PCDHGB1: variants seen among roughly 807,000 people sequenced by gnomAD.
PCDHGB1 encodes the protein protocadherin gamma-B1.
A neutral mutation model predicts 56.6 loss-of-function variants in PCDHGB1; 34 were observed. The observed-to-expected ratio is 0.60, with a 90% confidence interval of 0.46 to 0.80. The LOEUF (loss-of-function observed/expected upper bound fraction) is 0.80, where lower values mean the gene tolerates loss of function less well. Among genes scored for constraint, PCDHGB1 ranks in the 30% least tolerant of loss-of-function variants. The pLI is 0.00. For synonymous variants in PCDHGB1, 561 were observed against 505.9 expected, an observed-to-expected ratio of 1.11 and a Z score of -1.46; for missense variants, 1,278 against 1,204.6, an observed-to-expected ratio of 1.06 and a Z score of -0.90.
intron 3 of PCDHGB1, among the ~76,000 whole-genome samples, chr5:141,506,923 C>G: frequency 6.6e-6 from 1 of 152,184 alleles, no homozygotes; most frequent in African/African-American, 2.4e-5. Flanking sequence ...ACATACTAAA[C>G]AAACTTTAGG....
At chr5:141,395,542 T>TTGTTTGTTTG (rs1267535064) in intron 1 of PCDHGB1, 1 of 168,708 alleles carries the variant, frequency 5.9e-6, no homozygotes, top group African/African-American at 5.7e-5. Context: ...TTGCTATTGT[T>TTGTTTGTTTG]TGTGTGTGTG....
intron 2 of PCDHGB1, among the ~76,000 whole-genome samples, chr5:141,500,674 G>T (rs554174451): frequency 4.2e-4 from 64 of 152,122 alleles, no homozygotes; most frequent in Non-Finnish European, 6.6e-4. Flanking sequence ...CTGTCCAACA[G>T]AATTATAGCT....
At chr5:141,374,514 A>G (rs762655024) in intron 1 of PCDHGB1, 6 of 1,612,112 alleles carry the variant, frequency 3.7e-6, no homozygotes, top group Non-Finnish European at 4.2e-6. Context: ...AAAATTCTCG[A>G]AAACGCAGCT....
chr5:141,430,705 T>C (rs914464861), intron 1 of PCDHGB1: 3 of 1,477,958 alleles, frequency 2.0e-6, no homozygotes, highest in African/African-American at 2.8e-5. Flanking sequence ...AAGGAACTGC[T>C]CCTGACTTCA....
chr5:141,413,302 T>C (rs746274089), intron 1 of PCDHGB1: 2 of 1,613,960 alleles, frequency 1.2e-6, no homozygotes, highest in Non-Finnish European at 8.5e-7. Context: ...TCCTGAGGAA[T>C]TAGAGAAAGG....
intron 1 of PCDHGB1, chr5:141,383,586 G>A (rs1483422462): frequency 6.2e-7 from 1 of 1,613,654 alleles, no homozygotes; most frequent in Admixed American, 1.7e-5. Flanking sequence ...CCCACATCCA[G>A]GTGACAGTGG....
intron 1 of PCDHGB1, chr5:141,356,191 A>G: frequency 6.2e-7 from 1 of 1,610,554 alleles, no homozygotes; most frequent in Non-Finnish European, 8.5e-7. Context: ...CCGAGCTAGA[A>G]GCAAGGTACT....
rs566032831 is a variant in PCDHGB1 at position 141,351,647 on chromosome 5, C to T, written c.1387C>T (p.Pro463Ser). The T allele has an allele frequency of 6.2e-7, 1 of 1,614,058 alleles. No homozygotes were observed. The highest frequency in any genetic ancestry group is 1.1e-5 in the South Asian group (1 of 91,086). ...YVVHVSENNP[P>S]GASIAQVSAS... ...GGTCCACGTGTCTGAGAACAACCCA[C>T]CTGGCGCCTCCATTGCACAAGTAAG... The change falls in exon 1 of 4, where the codon CCT (proline) becomes TCT (serine). Residue 463 changes from proline (P) to serine (S), a missense_variant. By Grantham distance (74) the Pro-to-Ser change is moderately conservative (BLOSUM62 -1). Coordinates refer to ENST00000523390, the MANE Select transcript of PCDHGB1 (RefSeq NM_018922.3).
rs748873655 is a variant in PCDHGB1 at position 141,410,002 on chromosome 5, C to A, written c.2409+57333C>A. The A allele has an allele frequency of 1.1e-5, 18 of 1,613,250 alleles. No individual in the cohort carries two copies. Among genetic ancestry groups the A allele is most frequent in the Middle Eastern group, 1.7e-4 (1 of 6,056 alleles). On this transcript the variant is annotated intron_variant, in intron 1 of 3. Coordinates refer to ENST00000523390, the MANE Select transcript of PCDHGB1 (RefSeq NM_018922.3). ...TAGCGGTGGACGCCGACTCGGGACA[C>A]AACGCCTGGCTGTCCTACCACGTGC...
Position 141,486,239 on chromosome 5 carries a change from C to G in PCDHGB1, c.2410-8568C>G, listed in dbSNP as rs751510109. On this transcript the variant is annotated intron_variant, in intron 1 of 3. Transcript: ENST00000523390. The surrounding 1 kb of genome is among the most constrained non-coding windows in gnomAD (Gnocchi z 5.0). ...CCCTTACATCACAGTGACCTCAGAG[C>G]TTGGAACCCTCCCCGAGAGTGCAGA... 6.2e-7 allele frequency: 1 copy of G among 1,614,160 alleles called. No individual in the cohort carries two copies. Among genetic ancestry groups the G allele is most frequent in the Admixed American group, 1.7e-5 (1 of 60,020 alleles).
chr5:141,382,744 A>G (rs767790688), intron 1 of PCDHGB1: 6 of 592,898 alleles, frequency 1.0e-5, no homozygotes, highest in Non-Finnish European at 1.7e-5. Context: ...GAAACGACAG[A>G]TTGCGATAAG....
chr5:141,461,409 A>ATATGTTTGT (rs1491521215), intron 1 of PCDHGB1, among the ~76,000 whole-genome samples: 2 of 151,810 alleles, frequency 1.3e-5, no homozygotes, highest in Non-Finnish European at 2.9e-5. Context: ...GCATTTTTTC[A>ATATGTTTGT]TATGTTTGTG....
intron 1 of PCDHGB1, chr5:141,396,605 G>A (rs2093403616): frequency 6.6e-6 from 1 of 151,594 alleles, no homozygotes; most frequent in Non-Finnish European, 1.5e-5. Flanking sequence ...GGGCAACAGG[G>A]TGAGACTCCG....
At chr5:141,378,339 A>G (rs62378424) in intron 1 of PCDHGB1, 5,525 of 152,288 alleles carry the variant, frequency 0.036, 122 homozygotes, top group Middle Eastern at 0.092. Flanking sequence ...CCTGACCAAC[A>G]TGGTGAAACC....
Position 141,494,815 on chromosome 5 carries a change from G to A in PCDHGB1, c.2418G>A (p.Pro806=), listed in dbSNP as rs765344906. 1 of 1,613,976 alleles carries A rather than the reference G, an allele frequency of 6.2e-7. No homozygotes were observed. Among genetic ancestry groups the A allele is most frequent in the South Asian group, 1.1e-5 (1 of 91,072 alleles). ...YDPSLSSHQA[P]PNTDWRFSQA... The stretch of plus-strand genomic sequence containing the variant: ...CTCTGTTTTCTCCACAGCAAGCCCC[G>A]CCCAACACGGACTGGCGTTTCTCTC... The change falls in exon 2 of 4, where the codon CCG becomes CCA. Residue 806 remains proline, a synonymous_variant. Transcript: ENST00000523390.
rs2095330785 is a variant in PCDHGB1 at position 141,409,884 on chromosome 5, G to C, written c.2409+57215G>C. The C allele has an allele frequency of 1.9e-6, 3 of 1,612,952 alleles. No individual in the cohort carries two copies. In the South Asian group the frequency reaches 3.3e-5, roughly 18 times the overall value. On this transcript the variant is annotated intron_variant, in intron 1 of 3. Transcript: ENST00000523390. ...GGAGACCGCAATGACAACGCACCGC[G>C]GGTGCTGTACCCAGCTCTGGGTCCT...
chr5:141,465,125 G>A (rs1003967387), intron 1 of PCDHGB1, among the ~76,000 whole-genome samples: 1 of 151,194 alleles, frequency 6.6e-6, no homozygotes, highest in Non-Finnish European at 1.5e-5. Context: ...GCCTAAATTT[G>A]TAAAAAGTTT....
chr5:141,362,632 TTTC>T (rs1762606718), intron 1 of PCDHGB1: 2 of 1,490,270 alleles, frequency 1.3e-6, no homozygotes, highest in Admixed American at 4.6e-5. Flanking sequence ...CCACTGCGTA[TTTC>T]TTTGTCTGTG....
intron 1 of PCDHGB1, chr5:141,370,414 G>A (rs1479510412): frequency 6.4e-7 from 1 of 1,568,570 alleles, no homozygotes; most frequent in Non-Finnish European, 8.6e-7. Flanking sequence ...AGCTCCGGAT[G>A]GAGGGGCCCA....
Sources: allele counts gnomAD v4.1 joint callset (sites outside exome capture counted in the v4.1 genomes callset), GRCh38; gene constraint gnomAD v4.1.1; non-coding constraint Gnocchi (gnomAD v3.1); transcripts MANE v1.5; gene names NCBI Gene and HGNC (gene_info 2026-07-23, HGNC 2026-07-21).